GSTCD: variants seen among roughly 807,000 people sequenced by gnomAD.
GSTCD encodes glutathione S-transferase C-terminal domain containing, also known as glutathione S-transferase C-terminal domain-containing protein.
A neutral mutation model predicts 68.3 loss-of-function variants in GSTCD; 44 were observed. The observed-to-expected ratio is 0.64, with a 90% confidence interval of 0.51 to 0.83. The LOEUF (loss-of-function observed/expected upper bound fraction) is 0.83, where lower values mean the gene tolerates loss of function less well. GSTCD is among the 40% of genes least tolerant of loss of function. The pLI is 0.00. For synonymous variants in GSTCD, 273 were observed against 255.2 expected, an observed-to-expected ratio of 1.07 and a Z score of -0.67; for missense variants, 739 against 735.9, an observed-to-expected ratio of 1.00 and a Z score of -0.05.
chr4:105,801,754 AT>A (rs1339372726), intron 5 of GSTCD, among the ~76,000 whole-genome samples: 1 of 152,100 alleles, frequency 6.6e-6, no homozygotes, highest in East Asian at 1.9e-4. Flanking sequence ...TTAAAACCAA[AT>A]TTTGATGACA....
intron 5 of GSTCD, among the ~76,000 whole-genome samples, chr4:105,746,868 T>C (rs10516525): frequency 0.045 from 6,794 of 152,304 alleles, 209 homozygotes; most frequent in Middle Eastern, 0.13. Context: ...GTATAACTAA[T>C]AAAAATTGGC....
At position 105,729,410 on chromosome 4, in the gene GSTCD, A is replaced by AGGGC; in HGVS notation, c.1152_1155dup (p.Ile386GlyfsTer3). 1 of 1,594,476 alleles carries AGGGC rather than the reference A, an allele frequency of 6.3e-7. No homozygotes were observed. Among genetic ancestry groups the AGGGC allele is most frequent in the Non-Finnish European group, 8.6e-7 (1 of 1,166,162 alleles). On this transcript the variant is annotated frameshift_variant, in exon 5 of 12. Transcript: ENST00000515279. LOFTEE classifies it high-confidence loss of function. ...AGAGGCTATTTCCTTTTCTAGGAAA[A>AGGGC]GGGCATTGAAGTGATGTTTTCTCCC...
At chr4:105,825,448 C>T (rs537672363) in intron 7 of GSTCD, among the ~76,000 whole-genome samples, 1 of 152,204 alleles carries the variant, frequency 6.6e-6, no homozygotes, top group South Asian at 2.1e-4. Context: ...ATTATTATTG[C>T]TTGTTTCACT....
rs1225658113 is a variant in GSTCD at position 105,729,592 on chromosome 4, C to T, written c.1240+93C>T. The T allele has an allele frequency of 2.9e-5, 21 of 733,714 alleles. No individual in the cohort carries two copies. The Middle Eastern group carries it at 1.0e-3, about 36-fold the overall frequency. The allele number at this position is 733,714 out of a possible 1,614,324, so 45.5% of individuals were successfully genotyped here. A position where few individuals can be genotyped will look rare whatever the true frequency, so the allele number is the denominator to read the frequency against. On this transcript the variant is annotated intron_variant, in intron 5 of 11. Transcript: ENST00000515279. The stretch of plus-strand genomic sequence containing the variant: ...TCTCTAAATCTCCCTTTGGCTTTAT[C>T]TAATATTCTGATTATACTATCAGTT...
At chr4:105,843,478 T>G (rs1724435072) in intron 11 of GSTCD, 1 of 152,226 alleles carries the variant, frequency 6.6e-6, no homozygotes, top group Non-Finnish European at 1.5e-5. Context: ...GAACAAATTT[T>G]TATTTGGCTC....
At chr4:105,718,340 G>A (rs540753353) in intron 2 of GSTCD, among the ~76,000 whole-genome samples, 72 of 152,206 alleles carry the variant, frequency 4.7e-4, no homozygotes, top group African/African-American at 1.7e-3. Context: ...GTGAGTTCTT[G>A]CTCTATTAGT....
At chr4:105,760,357 G>T (rs1287130869) in intron 5 of GSTCD, among the ~76,000 whole-genome samples, 1 of 152,078 alleles carries the variant, frequency 6.6e-6, no homozygotes, top group African/African-American at 2.4e-5. Context: ...TATTGTTTTG[G>T]AATAGATGCC....
chr4:105,806,640 C>T (rs944855262), intron 5 of GSTCD, among the ~76,000 whole-genome samples: 6 of 151,942 alleles, frequency 3.9e-5, no homozygotes, highest in Non-Finnish European at 8.8e-5. Context: ...GGGTACCATC[C>T]GTATACAGAT....
intron 5 of GSTCD, among the ~76,000 whole-genome samples, chr4:105,769,765 T>C (rs1358056416): frequency 1.3e-5 from 2 of 152,142 alleles, no homozygotes; most frequent in Non-Finnish European, 2.9e-5. Flanking sequence ...TTTTATTTTA[T>C]TTATTTTTGA....
intron 5 of GSTCD, among the ~76,000 whole-genome samples, chr4:105,750,108 T>A (rs1373065782): frequency 6.6e-6 from 1 of 152,022 alleles, no homozygotes; most frequent in African/African-American, 2.4e-5. Context: ...ATCAGGGAAA[T>A]GTAAATTTAA....
At chr4:105,718,153 A>T in intron 2 of GSTCD, 114 bp downstream of exon 2, 2 of 784,276 alleles carry the variant, frequency 2.6e-6, no homozygotes, top group South Asian at 2.0e-5. Flanking sequence ...ATTTTAAAAA[A>T]CCCCAGTAAC....
chr4:105,834,310 A>G (rs1328780224), intron 8 of GSTCD, 151 bp from the exon 9 acceptor site: 1 of 601,732 alleles, frequency 1.7e-6, no homozygotes, highest in Non-Finnish European at 2.8e-6. Flanking sequence ...TCCATTTGCA[A>G]CCTTTCAAAC....
intron 5 of GSTCD, among the ~76,000 whole-genome samples, chr4:105,810,285 G>A (rs540339128): frequency 6.6e-6 from 1 of 152,060 alleles, no homozygotes; most frequent in South Asian, 2.1e-4. Context: ...TCATATATAT[G>A]TGGGATTTAA....
At position 105,825,714 on chromosome 4, in the gene GSTCD, A is replaced by C; in HGVS notation, c.1444A>C (p.Lys482Gln). 6.6e-7 allele frequency: 1 copy of C among 1,523,778 alleles called. No homozygotes were observed. The highest frequency in any genetic ancestry group is 9.1e-7 in the Non-Finnish European group (1 of 1,099,290). 94.4% of individuals were successfully genotyped at this position (1,523,778 alleles called of 1,614,324 possible). The change falls in exon 8 of 12, where the codon AAG becomes CAG. Residue 482 changes from lysine to glutamine, a missense_variant. Physicochemically the swap from Lys to Gln is moderately conservative, Grantham distance 53. Transcript: ENST00000515279. Reference sequence around the variant, plus strand: ...CAAGGAATTATCATTAATTCGTGCTAAGAAGAGAAGTGATGAACTGGGTTT... The same window carrying C: ...CAAGGAATTATCATTAATTCGTGCTCAGAAGAGAAGTGATGAACTGGGTTT... ...ENKELSLIRA[K>Q]KRSDELGLSN... is the part of the protein sequence containing the mutation.
intron 5 of GSTCD, among the ~76,000 whole-genome samples, chr4:105,736,083 G>T (rs529769746): frequency 6.6e-6 from 1 of 151,306 alleles, no homozygotes; most frequent in Admixed American, 6.6e-5. Flanking sequence ...AATAATTATT[G>T]GTTTGTTTTT....
chr4:105,785,560 T>TA (rs1400571916), intron 5 of GSTCD, among the ~76,000 whole-genome samples: 1 of 152,114 alleles, frequency 6.6e-6, no homozygotes, highest in South Asian at 2.1e-4. Context: ...AATGCCTACA[T>TA]AAAAAAGGCA....
chr4:105,754,850 T>C (rs1048822794), intron 5 of GSTCD, among the ~76,000 whole-genome samples: 3 of 151,798 alleles, frequency 2.0e-5, no homozygotes, highest in African/African-American at 7.3e-5. Flanking sequence ...AATTCACATT[T>C]TGATATTTTT....
chr4:105,766,133 A>G (rs1041596501), intron 5 of GSTCD, among the ~76,000 whole-genome samples: 8 of 152,210 alleles, frequency 5.3e-5, no homozygotes, highest in African/African-American at 1.9e-4. Flanking sequence ...TAGGTGATGA[A>G]AGCTCTAGAA....
intron 9 of GSTCD, 30 bp downstream of exon 9, chr4:105,834,624 C>T (rs746987134): frequency 9.4e-5 from 151 of 1,604,762 alleles, no homozygotes; most frequent in Middle Eastern, 6.6e-4. Flanking sequence ...ACATAAGACA[C>T]CAACATGGGT....
Sources: allele counts gnomAD v4.1 joint callset (sites outside exome capture counted in the v4.1 genomes callset), GRCh38; gene constraint gnomAD v4.1.1; transcripts MANE v1.5; gene names NCBI Gene and HGNC (gene_info 2026-07-23, HGNC 2026-07-21).